DOCK3: variants seen among roughly 807,000 people sequenced by gnomAD.
DOCK3 encodes the protein dedicator of cytokinesis 3.
In DOCK3, 60 loss-of-function variants were observed where a neutral mutation model predicts 265.6. The ratio of observed to expected loss-of-function variants is 0.23; its 90% CI spans 0.18 to 0.28. The LOEUF is 0.28. Among genes scored for constraint, DOCK3 ranks in the 10% least tolerant of loss-of-function variants. DOCK3 has a pLI of 1.00. For synonymous variants in DOCK3, 881 were observed against 938.0 expected, an observed-to-expected ratio of 0.94 and a Z score of 1.11; for missense variants, 1,981 against 2,594.3, an observed-to-expected ratio of 0.76 and a Z score of 5.14.
intron 5 of DOCK3, among the ~76,000 whole-genome samples, chr3:50,970,649 A>C (rs969077947): frequency 6.9e-6 from 1 of 145,178 alleles, no homozygotes; most frequent in Non-Finnish European, 1.5e-5. Flanking sequence ...TCTTCAGTAA[A>C]TTTTTCATTT....
chr3:51,357,225 CT>C, intron 44 of DOCK3, 84 bp downstream of exon 44: 1 of 1,473,846 alleles, frequency 6.8e-7, no homozygotes, highest in Non-Finnish European at 9.1e-7. Context: ...AGATTATAGT[CT>C]CCTTAGGTAG....
intron 4 of DOCK3, among the ~76,000 whole-genome samples, chr3:50,903,538 C>G (rs987070427): frequency 1.9e-4 from 29 of 152,132 alleles, no homozygotes; most frequent in African/African-American, 6.3e-4. Flanking sequence ...AGTGGATAAG[C>G]TTTTGATGAT....
chr3:51,011,786 G>A (rs902366874), intron 5 of DOCK3, among the ~76,000 whole-genome samples: 19 of 152,104 alleles, frequency 1.2e-4, no homozygotes, highest in African/African-American at 4.1e-4. Flanking sequence ...TGATGGTGAC[G>A]TACAGATGGG....
chr3:50,846,626 G>C (rs1355701803), intron 3 of DOCK3, among the ~76,000 whole-genome samples: 1 of 152,144 alleles, frequency 6.6e-6, no homozygotes, highest in East Asian at 1.9e-4. Context: ...CTGTGAATCT[G>C]TCTGGTCCAG....
chr3:50,780,709 T>C (rs1397740357), intron 2 of DOCK3, among the ~76,000 whole-genome samples: 1 of 152,170 alleles, frequency 6.6e-6, no homozygotes, highest in African/African-American at 2.4e-5. Context: ...ATTTTCCTTC[T>C]AGCTTTTTGA....
At chr3:50,817,251 T>C (rs2044138580) in intron 2 of DOCK3, among the ~76,000 whole-genome samples, 1 of 152,196 alleles carries the variant, frequency 6.6e-6, no homozygotes, top group Non-Finnish European at 1.5e-5. Flanking sequence ...TAACCTCCTA[T>C]CTCGTCCTGT....
At chr3:51,317,349 A>G (rs1483178342) in intron 32 of DOCK3, among the ~76,000 whole-genome samples, 3 of 151,114 alleles carry the variant, frequency 2.0e-5, no homozygotes, top group South Asian at 2.1e-4. Flanking sequence ...GAAACTTTGT[A>G]TTCAAAGTTA....
At chr3:50,689,510 C>T (rs893551970) in intron 1 of DOCK3, among the ~76,000 whole-genome samples, 2 of 152,152 alleles carry the variant, frequency 1.3e-5, no homozygotes, top group Non-Finnish European at 2.9e-5. Context: ...ATGAGAATGG[C>T]AGCATGGGGG....
At chr3:51,208,007 G>A (rs1456749244) in intron 12 of DOCK3, among the ~76,000 whole-genome samples, 2 of 152,118 alleles carry the variant, frequency 1.3e-5, no homozygotes, top group African/African-American at 4.8e-5. Context: ...GTTCCAAATG[G>A]TTACGTGGTT....
chr3:51,322,025 C>A (rs958130749), intron 32 of DOCK3, among the ~76,000 whole-genome samples: 23 of 151,732 alleles, frequency 1.5e-4, no homozygotes, highest in African/African-American at 5.3e-4. Flanking sequence ...GACATATAAT[C>A]GTCAGATTCA....
intron 32 of DOCK3, among the ~76,000 whole-genome samples, chr3:51,327,492 TCAC>T (rs2084204827): frequency 6.6e-6 from 1 of 152,216 alleles, no homozygotes; most frequent in Non-Finnish European, 1.5e-5. Flanking sequence ...ATGGTCAGTG[TCAC>T]TAATTATGAC....
chr3:51,250,034 C>T (rs1298395878), intron 22 of DOCK3, among the ~76,000 whole-genome samples: 1 of 151,880 alleles, frequency 6.6e-6, no homozygotes, highest in East Asian at 1.9e-4. Flanking sequence ...GGATTAAGGG[C>T]GGTGCAAGAT....
chr3:50,778,868 T>C, intron 2 of DOCK3, 110 bp downstream of exon 2: 1 of 698,342 alleles, frequency 1.4e-6, no homozygotes, highest in South Asian at 3.3e-5. Context: ...CCATAATTAG[T>C]CACATGATGA....
intron 23 of DOCK3, among the ~76,000 whole-genome samples, chr3:51,262,966 G>A (rs1576584274): frequency 6.6e-6 from 1 of 152,308 alleles, no homozygotes; most frequent in East Asian, 1.9e-4. Flanking sequence ...AAAGTGACAG[G>A]GAGAATGGAA....
chr3:51,133,803 A>G, intron 9 of DOCK3, among the ~76,000 whole-genome samples: 1 of 152,254 alleles, frequency 6.6e-6, no homozygotes, highest in South Asian at 2.1e-4. Context: ...GAATTTATTG[A>G]TTTGGGCCCA....
intron 5 of DOCK3, among the ~76,000 whole-genome samples, chr3:50,963,648 A>G (rs976454613): frequency 6.6e-6 from 1 of 152,188 alleles, no homozygotes; most frequent in Non-Finnish European, 1.5e-5. Flanking sequence ...TATACTAAAT[A>G]ATGGTTTTAA....
At chr3:50,834,968 A>G (rs976770173) in intron 2 of DOCK3, among the ~76,000 whole-genome samples, 6 of 152,196 alleles carry the variant, frequency 3.9e-5, no homozygotes, top group African/African-American at 1.2e-4. Flanking sequence ...AGACAATTCA[A>G]TTCAGTCTTA....
At chr3:50,687,917 A>C (rs1166568970) in intron 1 of DOCK3, among the ~76,000 whole-genome samples, 1 of 152,260 alleles carries the variant, frequency 6.6e-6, no homozygotes, top group East Asian at 1.9e-4. Context: ...TATATCGCAC[A>C]AAAGCAAGCA....
intron 12 of DOCK3, among the ~76,000 whole-genome samples, chr3:51,197,478 A>G (rs1049796149): frequency 2.0e-5 from 3 of 152,168 alleles, no homozygotes; most frequent in African/African-American, 7.2e-5. Context: ...TGGGTAGCCC[A>G]ATCTCCAGGA....
Sources: gnomAD v4.1 joint callset for allele counts (sites outside exome capture counted in the v4.1 genomes callset) on GRCh38, gnomAD v4.1.1 for gene constraint, MANE v1.5 for transcripts, NCBI Gene and HGNC (gene_info 2026-07-23, HGNC 2026-07-21) for gene names.